The following KIAA1217 variants were observed in gnomAD, a reference collection of about 807,000 sequenced individuals.
KIAA1217 encodes sickle tail protein homolog.
A neutral mutation model predicts 163.9 loss-of-function variants in KIAA1217; 88 were observed. The ratio of observed to expected loss-of-function variants is 0.54; its 90% CI spans 0.45 to 0.64. The LOEUF is 0.64. Among genes scored for constraint, KIAA1217 ranks in the 30% least tolerant of loss-of-function variants. The pLI is 0.00. For synonymous variants in KIAA1217, 903 were observed against 923.1 expected (o/e 0.98, Z 0.39); for missense variants, 2,372 against 2,475.0 (o/e 0.96, Z 0.88).
chr10:23,999,537 A>G (rs1057256302), intron 1 of KIAA1217, among the ~76,000 whole-genome samples: 1 of 152,132 alleles, frequency 6.6e-6, no homozygotes. Flanking sequence ...CTACCTGGAC[A>G]CTGGTGGCCA....
At chr10:23,938,017 G>C (rs556165967) in intron 1 of KIAA1217, among the ~76,000 whole-genome samples, 46 of 152,282 alleles carry the variant, frequency 3.0e-4, no homozygotes, top group Admixed American at 3.3e-4. Flanking sequence ...ACAGGGCATG[G>C]TATTAGTAAA....
At chr10:24,130,910 G>A (rs930343295) in intron 2 of KIAA1217, among the ~76,000 whole-genome samples, 1 of 152,062 alleles carries the variant, frequency 6.6e-6, no homozygotes, top group Admixed American at 6.6e-5. Flanking sequence ...TTAATCTATG[G>A]GCACAAGCCT....
chr10:23,972,774 G>C (rs1008393248), intron 1 of KIAA1217, among the ~76,000 whole-genome samples: 1 of 151,992 alleles, frequency 6.6e-6, no homozygotes, highest in Non-Finnish European at 1.5e-5. Context: ...ATACTATGTA[G>C]CCATGAAAAG....
chr10:23,749,016 A>G (rs934351319), intron 1 of KIAA1217, among the ~76,000 whole-genome samples: 3 of 152,128 alleles, frequency 2.0e-5, no homozygotes, highest in Admixed American at 1.3e-4. Flanking sequence ...GCTCGTCATC[A>G]CCTGCTGTTA....
chr10:24,048,366 C>G (rs1849201149), intron 2 of KIAA1217, among the ~76,000 whole-genome samples: 2 of 152,220 alleles, frequency 1.3e-5, no homozygotes, highest in Admixed American at 1.3e-4. Context: ...ATAGTATGAG[C>G]TATGACTGTG....
intron 1 of KIAA1217, among the ~76,000 whole-genome samples, chr10:23,701,737 T>A (rs1255151431): frequency 6.6e-6 from 1 of 152,260 alleles, no homozygotes; most frequent in Non-Finnish European, 1.5e-5. Flanking sequence ...TTAAATGCCC[T>A]GTTGTCTGGG....
At chr10:23,742,009 T>C (rs1031463088) in intron 1 of KIAA1217, among the ~76,000 whole-genome samples, 1 of 152,154 alleles carries the variant, frequency 6.6e-6, no homozygotes, top group Non-Finnish European at 1.5e-5. Context: ...CTCAATGCTC[T>C]AGAGAACTGA....
In KIAA1217 at chr10:23,948,347, A is replaced by G. The variant is rs1291903837; in HGVS notation, c.-320-58878A>G. ...CAAATAGTTTATTAAATAAAACAAT[A>G]CAAAGAAGATTACTTTGAGCATCTG... On this transcript the variant is annotated intron_variant, in intron 1 of 18. Coordinates refer to the KIAA1217 transcript ENST00000376462. 3.3e-5 allele frequency among the ~76,000 whole-genome samples: 5 copies of G among 152,354 alleles called. No homozygotes were observed. The Middle Eastern group carries it at 0.014, about 415-fold the overall frequency.
chr10:24,023,968 A>G (rs973743959), intron 2 of KIAA1217, among the ~76,000 whole-genome samples: 2 of 151,550 alleles, frequency 1.3e-5, no homozygotes, highest in African/African-American at 4.8e-5. Flanking sequence ...GGGACGCAGT[A>G]TTGACTCAGA....
At chr10:24,127,263 G>A (rs2063501660) in intron 2 of KIAA1217, among the ~76,000 whole-genome samples, 1 of 151,892 alleles carries the variant, frequency 6.6e-6, no homozygotes, top group African/African-American at 2.4e-5. Flanking sequence ...TGTTCCTTTG[G>A]ACTTTTAAAA....
At chr10:24,262,733 A>C (rs57644729) in intron 2 of KIAA1217, among the ~76,000 whole-genome samples, 4 of 152,208 alleles carry the variant, frequency 2.6e-5, no homozygotes, top group African/African-American at 9.6e-5. Context: ...AATGCCTTAT[A>C]AAAGTACTGT....
intron 2 of KIAA1217, among the ~76,000 whole-genome samples, chr10:24,288,515 C>T (rs1311793105): frequency 1.3e-5 from 2 of 152,208 alleles, no homozygotes; most frequent in Non-Finnish European, 1.5e-5. Context: ...TTCCATTAAC[C>T]TGTCCTCAAG....
chr10:23,921,230 T>C (rs1375123021), intron 1 of KIAA1217, among the ~76,000 whole-genome samples: 1 of 152,158 alleles, frequency 6.6e-6, no homozygotes. Context: ...TGTTGGGATT[T>C]CTATACCCAA....
chr10:24,358,531 A>G (rs1359484719), intron 2 of KIAA1217, among the ~76,000 whole-genome samples: 2 of 152,116 alleles, frequency 1.3e-5, no homozygotes, highest in African/African-American at 4.8e-5. Flanking sequence ...TTGCATTTGT[A>G]TGAGAATATT....
intron 2 of KIAA1217, among the ~76,000 whole-genome samples, chr10:24,037,583 G>T (rs1252494589): frequency 6.6e-6 from 1 of 152,208 alleles, no homozygotes; most frequent in African/African-American, 2.4e-5. Context: ...ATCTCAGTAT[G>T]GAAGTCTTAG....
intron 2 of KIAA1217, among the ~76,000 whole-genome samples, chr10:24,085,990 G>C (rs1225542395): frequency 6.6e-6 from 1 of 151,234 alleles, no homozygotes; most frequent in Non-Finnish European, 1.5e-5. Context: ...AAAAGTGTTT[G>C]TTGAGTCACT....
At chr10:24,533,027 TA>T in intron 15 of KIAA1217, 42 bp from the exon 16 acceptor site, 1 of 1,565,344 alleles carries the variant, frequency 6.4e-7, no homozygotes, top group Non-Finnish European at 8.7e-7. Flanking sequence ...TGCTAGCACC[TA>T]GGAGATGTTA....
intron 1 of KIAA1217, among the ~76,000 whole-genome samples, chr10:23,820,932 T>C (rs1424602695): frequency 1.3e-5 from 2 of 152,152 alleles, no homozygotes. Flanking sequence ...GTACAAGAGA[T>C]ATTCCATTTG....
chr10:24,527,543 A>T (rs2134861711), intron 13 of KIAA1217, among the ~76,000 whole-genome samples: 1 of 151,786 alleles, frequency 6.6e-6, no homozygotes, highest in East Asian at 2.0e-4. Context: ...GAACATGTGT[A>T]ATCCTAGTTA....
Sources: allele counts gnomAD v4.1 joint callset (sites outside exome capture counted in the v4.1 genomes callset), GRCh38; gene constraint gnomAD v4.1.1; transcripts MANE v1.5; gene names NCBI Gene and HGNC (gene_info 2026-07-23, HGNC 2026-07-21).